TSC22D1: variants seen among roughly 807,000 people sequenced by gnomAD.
TSC22D1 encodes the protein TSC22 domain family protein 1.
In TSC22D1, 9 loss-of-function variants were observed where a neutral mutation model predicts 74.2. The ratio of observed to expected loss-of-function variants is 0.12; its 90% confidence interval spans 0.07 to 0.21. TSC22D1 has a LOEUF of 0.21. TSC22D1 is among the 10% of genes least tolerant of loss of function. TSC22D1 has a pLI of 1.00. For missense variants in TSC22D1, 1,427 were observed against 1,304.7 expected (o/e 1.09, Z -1.44); for synonymous variants, 586 against 492.5 (o/e 1.19, Z -2.51).
In TSC22D1 at chr13:44,434,724, G is replaced by C; in HGVS notation, c.3124C>G (p.Gln1042Glu). The C allele has an allele frequency of 6.2e-7, 1 of 1,613,336 alleles. No homozygotes were observed. The highest frequency in any genetic ancestry group is 8.5e-7 in the Non-Finnish European group (1 of 1,179,900). ...GCAGGGGGGGAGCCAGTCTGCAGCT[G>C]GGCCTGAAACTGGGCAAGCTGCTCA... ...SPEQLAQFQA[Q>E]LQTGSPPATT... The change falls in exon 3 of 3, where the codon CAG becomes GAG. Residue 1042 changes from glutamine (Q) to glutamate (E), a missense_variant. Transcript: ENST00000458659.
intron 1 of TSC22D1, among the ~76,000 whole-genome samples, chr13:44,572,424 A>G (rs1313898796): frequency 6.6e-6 from 1 of 152,182 alleles, no homozygotes; most frequent in Admixed American, 6.5e-5. Context: ...GCCTCTATAA[A>G]TTCAATCCTC....
intron 1 of TSC22D1, among the ~76,000 whole-genome samples, chr13:44,565,723 T>C (rs1276974012): frequency 6.6e-6 from 1 of 152,068 alleles, no homozygotes; most frequent in African/African-American, 2.4e-5. Flanking sequence ...TTAAACTTTC[T>C]CTTTTATCGA....
intron 1 of TSC22D1, among the ~76,000 whole-genome samples, chr13:44,481,463 A>C (rs1414950561): frequency 6.6e-6 from 1 of 152,254 alleles, no homozygotes; most frequent in Non-Finnish European, 1.5e-5. Context: ...CAGAGAACAC[A>C]GGAAGGAATG....
chr13:44,529,118 G>C (rs1880697119), intron 1 of TSC22D1, among the ~76,000 whole-genome samples: 1 of 151,904 alleles, frequency 6.6e-6, no homozygotes, highest in Admixed American at 6.6e-5. Context: ...ACTAGAAAAA[G>C]ATAATACTAG....
At chr13:44,476,058 T>G (rs1396467525) in intron 1 of TSC22D1, among the ~76,000 whole-genome samples, 1 of 152,150 alleles carries the variant, frequency 6.6e-6, no homozygotes, top group Non-Finnish European at 1.5e-5. Flanking sequence ...CAAAAAATAT[T>G]TGGAAGAGGC....
At chr13:44,468,827 C>T (rs1259625533) in intron 1 of TSC22D1, among the ~76,000 whole-genome samples, 1 of 149,680 alleles carries the variant, frequency 6.7e-6, no homozygotes, top group East Asian at 1.9e-4. Flanking sequence ...AGAAGACTGG[C>T]TTATGTCTAA....
intron 1 of TSC22D1, among the ~76,000 whole-genome samples, chr13:44,564,457 G>A (rs1016538544): frequency 9.9e-5 from 15 of 152,188 alleles, no homozygotes; most frequent in African/African-American, 3.1e-4. Context: ...CTCAAAAAGT[G>A]AGTTTAGCTT....
At chr13:44,456,131 C>T (rs1056754810) in intron 1 of TSC22D1, among the ~76,000 whole-genome samples, 3 of 152,144 alleles carry the variant, frequency 2.0e-5, no homozygotes, top group African/African-American at 7.2e-5. Context: ...AGCCGTGGAC[C>T]CTCGCAGTGA....
rs758675937 is a variant in TSC22D1 at position 44,575,927 on chromosome 13, T to C, written c.148A>G (p.Ser50Gly). The change falls in exon 1 of 3, where the codon AGT becomes GGT. Residue 50 changes from serine to glycine, a missense_variant. By Grantham distance (56) the Ser-to-Gly change is moderately conservative. Around this residue, in one of 3 missense-constraint regions of TSC22D1, gnomAD observed 1,343 missense variants for 1,191.5 expected, o/e 1.13. Transcript: ENST00000458659. Reference sequence around the variant, plus strand: ...AAATCCTCGGAAGATGTGGCATTACTACCGACGCCGGTACCTGCTGCATTG... The same window carrying C: ...AAATCCTCGGAAGATGTGGCATTACCACCGACGCCGGTACCTGCTGCATTG... Reference protein sequence around the residue: ...ALNAAGTGVGSNATSSEDFPP... With the variant: ...ALNAAGTGVGGNATSSEDFPP... 6.2e-7 allele frequency: 1 copy of C among 1,613,258 alleles called. No individual in the cohort carries two copies. The highest frequency in any genetic ancestry group is 8.5e-7 in the Non-Finnish European group (1 of 1,179,740).
In TSC22D1 at chr13:44,537,660, T is replaced by C; in HGVS notation, c.2912+35503A>G. 3.0e-6 allele frequency: 3 copies of C among 984,632 alleles called. No homozygotes were observed. The South Asian group carries it at 1.4e-4, about 46-fold the overall frequency. The allele number at this position is 984,632 out of a possible 1,614,324, so 61.0% of individuals were successfully genotyped here. A position where few individuals can be genotyped will look rare whatever the true frequency, so the allele number is the denominator to read the frequency against. ...CTTATTAACATTTACTAAAAACAAG[T>C]CGGGAGTAAAAGCTGTAATCACTTA... On this transcript the variant is annotated intron_variant, in intron 1 of 2. Coordinates refer to ENST00000458659, the MANE Select transcript of TSC22D1 (RefSeq NM_183422.4).
At chr13:44,521,863 T>A (rs1008680823) in intron 1 of TSC22D1, among the ~76,000 whole-genome samples, 5 of 152,188 alleles carry the variant, frequency 3.3e-5, no homozygotes, top group Non-Finnish European at 7.3e-5. Flanking sequence ...TACATATGGA[T>A]CTTCCTCACT....
rs1406533451 is a variant in TSC22D1, at chr13:44,433,039, A to G, written c.*1587T>C. ...GAATTATCCCAGGAGCTAGAAACTC[A>G]TCCTACACTAGGAGAAACATCCCAA... is the stretch of plus-strand genomic sequence containing the variant. On this transcript the variant is annotated 3_prime_UTR_variant, in exon 3 of 3. Transcript: ENST00000458659. 6.6e-6 allele frequency: 1 copy of G among 152,216 alleles called. No individual in the cohort carries two copies. The highest frequency in any genetic ancestry group is 1.5e-5 in the Non-Finnish European group (1 of 68,038). 9.4% of individuals were successfully genotyped at this position (152,216 alleles called of 1,614,324 possible).
At chr13:44,448,869 G>A (rs1595084658) in intron 1 of TSC22D1, among the ~76,000 whole-genome samples, 2 of 147,108 alleles carry the variant, frequency 1.4e-5, no homozygotes, top group South Asian at 2.2e-4. Flanking sequence ...TGCCCTAGAA[G>A]TGCACACCAG....
intron 1 of TSC22D1, among the ~76,000 whole-genome samples, chr13:44,498,998 G>C (rs1879103335): frequency 6.6e-6 from 1 of 152,144 alleles, no homozygotes; most frequent in South Asian, 2.1e-4. Flanking sequence ...TAAGACTGCA[G>C]TCAAGGCAAA....
chr13:44,439,393 A>ACTC (rs1875004825), intron 1 of TSC22D1, among the ~76,000 whole-genome samples: 1 of 152,258 alleles, frequency 6.6e-6, no homozygotes, highest in South Asian at 2.1e-4. Context: ...GAAAACTGAG[A>ACTC]AGACATAATT....
intron 1 of TSC22D1, among the ~76,000 whole-genome samples, chr13:44,488,188 G>A (rs1239485022): frequency 2.0e-5 from 3 of 152,144 alleles, no homozygotes; most frequent in Non-Finnish European, 4.4e-5. Flanking sequence ...TGCAGTATCA[G>A]CACTCTACTG....
rs1259557157 is a variant in TSC22D1, at chr13:44,575,140, G to A, written c.935C>T (p.Thr312Ile). 6.8e-6 allele frequency: 11 copies of A among 1,614,040 alleles called. No individual in the cohort carries two copies. Among genetic ancestry groups the A allele is most frequent in the South Asian group, 1.1e-5 (1 of 91,084 alleles). The change falls in exon 1 of 3, where the codon ACA (threonine) becomes ATA (isoleucine). Residue 312 changes from threonine (T) to isoleucine (I), a missense_variant. By Grantham distance (89) the Thr-to-Ile change is moderately conservative (BLOSUM62 -1). Coordinates refer to ENST00000458659, the MANE Select transcript of TSC22D1 (RefSeq NM_183422.4). The stretch of plus-strand genomic sequence containing the variant: ...AGCAGTAATGTTAACATTATTTACT[G>A]TACTAGTGCCAGTAACAGAATTTAT... ...IGINSVTGTS[T>I]VNNVNITAVG...
At chr13:44,513,026 A>G (rs932195481) in intron 1 of TSC22D1, among the ~76,000 whole-genome samples, 5 of 152,208 alleles carry the variant, frequency 3.3e-5, no homozygotes, top group African/African-American at 1.2e-4. Flanking sequence ...ATTGCTTCCT[A>G]GTTGACTTTC....
chr13:44,536,352 C>CTTCTAA (rs1881128350), intron 1 of TSC22D1, among the ~76,000 whole-genome samples: 1 of 151,878 alleles, frequency 6.6e-6, no homozygotes, highest in Non-Finnish European at 1.5e-5. Context: ...AATCCTCTTG[C>CTTCTAA]TTCTAAGCAA....
Sources: gnomAD v4.1 joint callset for allele counts (sites outside exome capture counted in the v4.1 genomes callset) on GRCh38, gnomAD v4.1.1 for gene constraint, gnomAD v4.1.1 regional missense constraint, MANE v1.5 for transcripts, NCBI Gene and HGNC (gene_info 2026-07-23, HGNC 2026-07-21) for gene names.